LRRC7: variants seen among roughly 807,000 people sequenced by gnomAD.
The protein encoded by LRRC7 is leucine-rich repeat-containing protein 7.
Under a neutral mutation model 175.7 loss-of-function variants are expected in LRRC7, and 23 were observed. That is an observed-to-expected ratio of 0.13 (90% CI 0.09 to 0.19). The LOEUF is 0.19. Among genes scored for constraint, LRRC7 ranks in the 10% least tolerant of loss-of-function variants. LRRC7 has a pLI of 1.00. For missense variants in LRRC7, 1,354 were observed against 1,904.7 expected (o/e 0.71, Z 5.38); for synonymous variants, 685 against 680.9 (o/e 1.01, Z -0.09).
At chr1:69,922,217 T>C (rs982190387) in intron 7 of LRRC7, among the ~76,000 whole-genome samples, 1 of 152,174 alleles carries the variant, frequency 6.6e-6, no homozygotes, top group Non-Finnish European at 1.5e-5. Context: ...TGAGCCACCG[T>C]GCCCGGCACA....
rs191423021 is a variant in LRRC7, at chr1:69,749,647, T to A, written c.101-10544T>A. On this transcript the variant is annotated intron_variant, in intron 2 of 26. Transcript: ENST00000651989. The stretch of plus-strand genomic sequence containing the variant: ...ACAAACAAAAATCATTCAACATTAT[T>A]TTTTAAAAATATAAGTTTTACCATA... Among the ~76,000 whole-genome samples, 929 of 152,286 alleles carry A rather than the reference T, an allele frequency of 6.1e-3. 16 individuals are homozygous for A. Among genetic ancestry groups the A allele is most frequent in the Non-Finnish European group, 7.1e-3 (483 of 68,026 alleles).
intron 4 of LRRC7, among the ~76,000 whole-genome samples, chr1:69,819,172 CT>C (rs1397780197): frequency 1.3e-5 from 2 of 151,928 alleles, no homozygotes; most frequent in African/African-American, 4.8e-5. Context: ...TGAGATCTTT[CT>C]TTGTTCTTAA....
intron 10 of LRRC7, among the ~76,000 whole-genome samples, chr1:69,989,738 AT>A (rs1285597702): frequency 6.6e-6 from 1 of 152,162 alleles, no homozygotes; most frequent in Non-Finnish European, 1.5e-5. Context: ...AAAATAGTTG[AT>A]ATTATTTTTC....
intron 3 of LRRC7, among the ~76,000 whole-genome samples, chr1:69,780,223 A>G (rs530012977): frequency 1.3e-5 from 2 of 152,354 alleles, no homozygotes; most frequent in Admixed American, 6.5e-5. Context: ...TTAAAAGCAC[A>G]CAATTCCACG....
intron 2 of LRRC7, among the ~76,000 whole-genome samples, chr1:69,719,574 T>G (rs1666126723): frequency 6.6e-6 from 1 of 151,652 alleles, no homozygotes; most frequent in African/African-American, 2.4e-5. Context: ...AGACTTAATT[T>G]TCATAATTGT....
intron 22 of LRRC7, among the ~76,000 whole-genome samples, chr1:70,045,348 A>G (rs1660245820): frequency 6.6e-6 from 1 of 152,116 alleles, no homozygotes. Flanking sequence ...GCTAATTTCA[A>G]GGTACCAACT....
chr1:69,986,369 A>G lies in LRRC7; in HGVS notation c.914A>G (p.Gln305Arg). The change falls in exon 10 of 27, where the codon CAA (glutamine) becomes CGA (arginine). Residue 305 changes from glutamine (Q) to arginine (R), a missense_variant. Physicochemically the swap from Gln to Arg is conservative, Grantham distance 43. Transcript: ENST00000651989. Reference protein sequence around the residue: ...DLLLSSNMLQQLPDSIGLLKK... With the variant: ...DLLLSSNMLQRLPDSIGLLKK... ...TTATTGTCATCCAATATGTTGCAAC[A>G]ATTGCCTGATTCTATAGGTGAGAAT... The G allele has an allele frequency of 6.2e-7, 1 of 1,613,038 alleles. No individual in the cohort carries two copies. Among genetic ancestry groups the G allele is most frequent in the Non-Finnish European group, 8.5e-7 (1 of 1,179,502 alleles).
intron 8 of LRRC7, among the ~76,000 whole-genome samples, chr1:69,945,743 T>A (rs1036403226): frequency 6.6e-6 from 1 of 152,116 alleles, no homozygotes; most frequent in African/African-American, 2.4e-5. Context: ...TCCCTAAGTA[T>A]TTTTTATGCT....
chr1:70,039,837 G>C (rs1484546186), intron 21 of LRRC7, 44 bp downstream of exon 21: 3 of 1,526,088 alleles, frequency 2.0e-6, no homozygotes, highest in Non-Finnish European at 2.6e-6. Context: ...CCTGCCTTTA[G>C]TGTTACTTTA....
At position 69,588,721 on chromosome 1, in the gene LRRC7, T is replaced by C. The variant is rs544613533; in HGVS notation, c.2+20080T>C. On this transcript the variant is annotated intron_variant, in intron 1 of 26. Transcript: ENST00000651989. ...ATCAAATGAGATAAATGAATGGAAA[T>C]ATTTTCTAAACTATTAAAGTCTAGA... 3.9e-5 allele frequency among the ~76,000 whole-genome samples: 6 copies of C among 152,294 alleles called. 1 individual carries two copies. The East Asian group carries it at 1.2e-3, about 29-fold the overall frequency.
At chr1:69,759,185 C>A (rs1670765365) in intron 2 of LRRC7, among the ~76,000 whole-genome samples, 1 of 151,964 alleles carries the variant, frequency 6.6e-6, no homozygotes, top group African/African-American at 2.4e-5. Context: ...AAGCAATTAT[C>A]AGTAGCTGAC....
chr1:69,980,750 A>G (rs1653341864), intron 9 of LRRC7, among the ~76,000 whole-genome samples: 1 of 152,134 alleles, frequency 6.6e-6, no homozygotes, highest in Admixed American at 6.5e-5. Flanking sequence ...TTATAGTTAT[A>G]TTTTTAAAAA....
intron 7 of LRRC7, among the ~76,000 whole-genome samples, chr1:69,899,529 T>C (rs1422113122): frequency 6.6e-6 from 1 of 152,198 alleles, no homozygotes; most frequent in East Asian, 1.9e-4. Context: ...TAGTAAATAT[T>C]TTCCCCTTTG....
chr1:69,994,192 A>G (rs1287647673), intron 10 of LRRC7, among the ~76,000 whole-genome samples: 4 of 152,210 alleles, frequency 2.6e-5, no homozygotes, highest in Non-Finnish European at 5.9e-5. Flanking sequence ...GTTAGTTATT[A>G]CTGCTTAGGA....
chr1:70,001,060 T>C (rs1257337982), intron 11 of LRRC7, among the ~76,000 whole-genome samples: 1 of 152,214 alleles, frequency 6.6e-6, no homozygotes, highest in African/African-American at 2.4e-5. Flanking sequence ...TTATTCTGTC[T>C]CATAATGTAT....
chr1:69,642,039 G>GATGCTTA (rs1433785799), intron 1 of LRRC7, among the ~76,000 whole-genome samples: 1 of 151,868 alleles, frequency 6.6e-6, no homozygotes, highest in Non-Finnish European at 1.5e-5. Flanking sequence ...CCATTTAACT[G>GATGCTTA]ATGCTTAATA....
intron 2 of LRRC7, among the ~76,000 whole-genome samples, chr1:69,683,786 G>A (rs1660787666): frequency 6.6e-6 from 1 of 151,854 alleles, no homozygotes; most frequent in Non-Finnish European, 1.5e-5. Flanking sequence ...TATTGAGCAG[G>A]GAATTATAAA....
chr1:69,899,645 C>T (rs557360939), intron 7 of LRRC7, among the ~76,000 whole-genome samples: 1 of 152,128 alleles, frequency 6.6e-6, no homozygotes, highest in African/African-American at 2.4e-5. Context: ...TCCAATAAAA[C>T]GATTGCTATG....
At chr1:69,652,862 G>T (rs1656061984) in intron 1 of LRRC7, among the ~76,000 whole-genome samples, 1 of 152,084 alleles carries the variant, frequency 6.6e-6, no homozygotes, top group Admixed American at 6.6e-5. Flanking sequence ...TTTGTCAATG[G>T]CATCAAGACT....
Sources: allele counts gnomAD v4.1 joint callset (sites outside exome capture counted in the v4.1 genomes callset), GRCh38; gene constraint gnomAD v4.1.1; transcripts MANE v1.5; gene names NCBI Gene and HGNC (gene_info 2026-07-23, HGNC 2026-07-21).